THADA: variants seen among roughly 807,000 people sequenced by gnomAD.
The protein encoded by THADA is tRNA (32-2'-O)-methyltransferase regulator THADA.
A neutral mutation model predicts 219.8 loss-of-function variants in THADA; 213 were observed. That is an observed-to-expected ratio of 0.97 (90% CI 0.87 to 1.09). The LOEUF (loss-of-function observed/expected upper bound fraction) is 1.09. Ranked by LOEUF, THADA falls within the 50% of genes least tolerant of loss-of-function variation. The probability of loss-of-function intolerance (pLI) is 0.00; values close to 1 mark genes in which losing one functional copy is unlikely to be tolerated. For synonymous variants in THADA, 1,018 were observed against 828.9 expected, an observed-to-expected ratio of 1.23 and a Z score of -3.92; for missense variants, 2,956 against 2,311.3, an observed-to-expected ratio of 1.28 and a Z score of -5.72.
chr2:43,236,467 G>C (rs1177237008), intron 36 of THADA, among the ~76,000 whole-genome samples: 1 of 152,194 alleles, frequency 6.6e-6, no homozygotes, highest in Admixed American at 6.5e-5. Context: ...AGAGGAATTT[G>C]TCACTTAAGC....
intron 26 of THADA, among the ~76,000 whole-genome samples, chr2:43,469,215 G>C (rs974303429): frequency 1.7e-4 from 26 of 152,080 alleles, no homozygotes; most frequent in Admixed American, 1.4e-3. Flanking sequence ...AGCATAAAAA[G>C]GAAAAGCCCG....
chr2:43,581,382 T>C (rs1010991866), intron 8 of THADA, among the ~76,000 whole-genome samples: 3 of 151,706 alleles, frequency 2.0e-5, no homozygotes, highest in Non-Finnish European at 4.4e-5. Flanking sequence ...ATACAAAAAA[T>C]TAGTCAGGTG....
At chr2:43,551,703 A>G in intron 19 of THADA, 86 bp downstream of exon 19, 1 of 1,291,266 alleles carries the variant, frequency 7.7e-7, no homozygotes, top group African/African-American at 1.6e-5. Flanking sequence ...ATATCTCCCC[A>G]AAGAAATACT....
chr2:43,515,156 A>T (rs1328476334), intron 22 of THADA, among the ~76,000 whole-genome samples: 2 of 8,304 alleles, frequency 2.4e-4, no homozygotes, highest in Admixed American at 2.2e-3. Context: ...TATTTTATAT[A>T]TTATATATAA....
At chr2:43,231,463 G>T (rs1667409098) in intron 37 of THADA, 120 bp from the exon 38 acceptor site, 2 of 1,037,474 alleles carry the variant, frequency 1.9e-6, no homozygotes, top group African/African-American at 1.6e-5. Context: ...CTGACAGAGG[G>T]TGCACTCTTG....
chr2:43,294,533 T>G (rs1026301047), intron 31 of THADA, among the ~76,000 whole-genome samples: 1 of 152,128 alleles, frequency 6.6e-6, no homozygotes, highest in Non-Finnish European at 1.5e-5. Context: ...GAGATGAGGC[T>G]AGGGAAGAAA....
chr2:43,550,124 C>A (rs1485013776), intron 19 of THADA, among the ~76,000 whole-genome samples: 1 of 152,158 alleles, frequency 6.6e-6, no homozygotes, highest in Non-Finnish European at 1.5e-5. Context: ...ATAACAGAAA[C>A]TGGCTCACAG....
chr2:43,481,111 T>G (rs1686160533), intron 26 of THADA, among the ~76,000 whole-genome samples: 1 of 152,220 alleles, frequency 6.6e-6, no homozygotes, highest in Admixed American at 6.5e-5. Context: ...GAGAAGCCAG[T>G]CTGTCTGGAA....
intron 17 of THADA, among the ~76,000 whole-genome samples, chr2:43,555,045 C>T (rs1697179815): frequency 6.6e-6 from 1 of 151,892 alleles, no homozygotes; most frequent in African/African-American, 2.4e-5. Context: ...GGATGCTCAA[C>T]CTATATGTAA....
intron 26 of THADA, among the ~76,000 whole-genome samples, chr2:43,433,254 G>A (rs1233722563): frequency 6.6e-6 from 1 of 151,936 alleles, no homozygotes; most frequent in Non-Finnish European, 1.5e-5. Flanking sequence ...GTGCTGCTGG[G>A]TGTGGTGGCT....
At chr2:43,487,130 C>A (rs1687011223) in intron 25 of THADA, among the ~76,000 whole-genome samples, 1 of 152,136 alleles carries the variant, frequency 6.6e-6, no homozygotes, top group Non-Finnish European at 1.5e-5. Flanking sequence ...CAAATCAATC[C>A]ATGCTGTTAC....
At chr2:43,275,041 C>G (rs1672570932) in intron 36 of THADA, among the ~76,000 whole-genome samples, 1 of 137,362 alleles carries the variant, frequency 7.3e-6, no homozygotes, top group Non-Finnish European at 1.5e-5. Flanking sequence ...GTTGCCTAGG[C>G]TGGAGTGCAG....
intron 29 of THADA, among the ~76,000 whole-genome samples, chr2:43,366,294 C>T (rs185857845): frequency 2.0e-5 from 3 of 152,228 alleles, no homozygotes; most frequent in Admixed American, 6.5e-5. Context: ...GTCTAATGAA[C>T]TGTACACAGA....
At chr2:43,590,508 C>G (rs1229090786) in intron 4 of THADA, among the ~76,000 whole-genome samples, 1 of 151,982 alleles carries the variant, frequency 6.6e-6, no homozygotes, top group African/African-American at 2.4e-5. Flanking sequence ...AACCACATCT[C>G]TACTAAAAAC....
Position 43,242,494 on chromosome 2 carries a change from CT to C in THADA, c.5297-9613del, listed in dbSNP as rs202233335. Among the ~76,000 whole-genome samples, 5 of 149,852 alleles carry C rather than the reference CT, an allele frequency of 3.3e-5. 1 individual carries two copies. The highest frequency in any genetic ancestry group is 3.3e-4 in the Admixed American group (5 of 15,010). Reference sequence around the variant, plus strand: ...CACTCCAGCACCTATATTCTTTTTTCTTTTTTTTTTCTGTGCAGACAAGGTC... The same window carrying C: ...CACTCCAGCACCTATATTCTTTTTTCTTTTTTTTTCTGTGCAGACAAGGTC... On this transcript the variant is annotated intron_variant, in intron 36 of 37. Coordinates refer to ENST00000405975, the MANE Select transcript of THADA (RefSeq NM_022065.5).
intron 28 of THADA, among the ~76,000 whole-genome samples, chr2:43,409,350 AT>A (rs1220098180): frequency 1.3e-5 from 2 of 152,022 alleles, no homozygotes; most frequent in Non-Finnish European, 2.9e-5. Context: ...ATTCCAAAAA[AT>A]TGCTTTTTTT....
intron 28 of THADA, among the ~76,000 whole-genome samples, chr2:43,401,430 C>T (rs977841148): frequency 1.3e-5 from 2 of 152,160 alleles, no homozygotes; most frequent in African/African-American, 4.8e-5. Context: ...AGGCGCCTGC[C>T]ACCACGCCCA....
At chr2:43,555,653 T>C (rs1697261411) in intron 17 of THADA, among the ~76,000 whole-genome samples, 1 of 152,152 alleles carries the variant, frequency 6.6e-6, no homozygotes, top group African/African-American at 2.4e-5. Flanking sequence ...TCTGGCCATA[T>C]TCCCACCAGA....
chr2:43,318,792 T>C lies in THADA; in HGVS notation c.4438+1654A>G, dbSNP rs540878518. Among the ~76,000 whole-genome samples, 5 of 152,346 alleles carry C rather than the reference T, an allele frequency of 3.3e-5. No individual in the cohort carries two copies. The East Asian group carries it at 9.6e-4, about 29-fold the overall frequency. ...TTAGGGTATAAACTCTAAATAATGT[T>C]AACAGCTTGGAGAAATGGATGGTTC... On this transcript the variant is annotated intron_variant, in intron 31 of 37. Coordinates refer to ENST00000405975, the MANE Select transcript of THADA (RefSeq NM_022065.5).
Sources: gnomAD v4.1 joint callset for allele counts (sites outside exome capture counted in the v4.1 genomes callset) on GRCh38, gnomAD v4.1.1 for gene constraint, MANE v1.5 for transcripts, NCBI Gene and HGNC (gene_info 2026-07-23, HGNC 2026-07-21) for gene names.